CSMD2: variants seen among roughly 807,000 people sequenced by gnomAD.
The protein encoded by CSMD2 is CUB and sushi domain-containing protein 2.
A neutral mutation model predicts 398.5 loss-of-function variants in CSMD2; 130 were observed. The observed-to-expected ratio is 0.33, with a 90% CI of 0.28 to 0.38. The LOEUF is 0.38. Among genes scored for constraint, CSMD2 ranks in the 10% least tolerant of loss-of-function variants. CSMD2 has a pLI of 1.00. For synonymous variants in CSMD2, 1,828 were observed against 1,908.5 expected (o/e 0.96, Z 1.10); for missense variants, 3,829 against 4,764.9 (o/e 0.80, Z 5.78).
At chr1:33,796,333 C>A (rs150238846) in intron 10 of CSMD2, among the ~76,000 whole-genome samples, 3 of 152,344 alleles carry the variant, frequency 2.0e-5, no homozygotes, top group African/African-American at 7.2e-5. Context: ...GAGGGACCAG[C>A]TGGAGCTGTG....
chr1:34,113,166 G>A (rs1307633537), intron 1 of CSMD2: 3 of 152,264 alleles, frequency 2.0e-5, no homozygotes, highest in South Asian at 2.1e-4. Context: ...GGAAATGGTT[G>A]TGTCTCTGAG....
intron 12 of CSMD2, among the ~76,000 whole-genome samples, chr1:33,773,792 GGA>G (rs1359803403): frequency 6.6e-6 from 1 of 152,098 alleles, no homozygotes; most frequent in Non-Finnish European, 1.5e-5. Context: ...CCGAGATTTG[GGA>G]GAGAGGGGCC....
At chr1:34,052,791 G>A (rs150372406) in intron 2 of CSMD2, among the ~76,000 whole-genome samples, 18 of 152,240 alleles carry the variant, frequency 1.2e-4, no homozygotes, top group Middle Eastern at 6.8e-3. Context: ...TTGAATGAAT[G>A]AATGAGGAAT....
At chr1:34,001,210 G>C (rs1646890905) in intron 3 of CSMD2, among the ~76,000 whole-genome samples, 1 of 152,134 alleles carries the variant, frequency 6.6e-6, no homozygotes, top group African/African-American at 2.4e-5. Context: ...ATCACAGATA[G>C]GGAATATTGA....
intron 5 of CSMD2, among the ~76,000 whole-genome samples, chr1:33,856,915 G>T (rs1639137357): frequency 6.6e-6 from 1 of 151,608 alleles, no homozygotes; most frequent in Non-Finnish European, 1.5e-5. Flanking sequence ...TGTGAGTGAC[G>T]CTCACAAAGT....
chr1:33,630,228 T>C (rs886679219), intron 32 of CSMD2, among the ~76,000 whole-genome samples: 1 of 152,168 alleles, frequency 6.6e-6, no homozygotes, highest in African/African-American at 2.4e-5. Flanking sequence ...ACTCTAAATC[T>C]ATAGCTATAC....
At chr1:33,819,597 G>A (rs542088370) in intron 9 of CSMD2, 116 bp downstream of exon 9, 167 of 852,444 alleles carry the variant, frequency 2.0e-4, no homozygotes, top group Non-Finnish European at 2.8e-4. Flanking sequence ...AGGGAGTGAG[G>A]GGGGAGGGGA....
chr1:33,932,588 C>T (rs1644348807), intron 4 of CSMD2, among the ~76,000 whole-genome samples: 1 of 152,176 alleles, frequency 6.6e-6, no homozygotes, highest in Admixed American at 6.5e-5. Flanking sequence ...GAAGGGCCAG[C>T]CCTTGCTGCC....
Position 33,712,720 on chromosome 1 carries a change from G to T in CSMD2, c.3406+1867C>A, listed in dbSNP as rs1471910353. 9.2e-5 allele frequency among the ~76,000 whole-genome samples: 14 copies of T among 152,312 alleles called. No homozygotes were observed. The East Asian group carries it at 2.3e-3, about 25-fold the overall frequency. On this transcript the variant is annotated intron_variant, in intron 21 of 70. Transcript: ENST00000373381. The stretch of plus-strand genomic sequence containing the variant: ...TTCCATTCAAGGAGAATTTCCCCCA[G>T]AACCATTTAGCTGAGGATGCTTTCC...
At chr1:33,816,452 TGGAGG>T (rs1198782674) in intron 9 of CSMD2, among the ~76,000 whole-genome samples, 4 of 152,170 alleles carry the variant, frequency 2.6e-5, no homozygotes, top group Non-Finnish European at 5.9e-5. Flanking sequence ...AAAATGGTGA[TGGAGG>T]GGAGACTAGA....
intron 9 of CSMD2, among the ~76,000 whole-genome samples, chr1:33,812,647 G>A (rs12045793): frequency 0.19 from 17,518 of 92,306 alleles, 1,202 homozygotes; most frequent in East Asian, 0.43. Flanking sequence ...AAGTCTGGAT[G>A]AGTTAGAAAA....
intron 5 of CSMD2, among the ~76,000 whole-genome samples, chr1:33,916,954 A>G (rs536832259): frequency 4.6e-5 from 7 of 151,748 alleles, no homozygotes; most frequent in Non-Finnish European, 7.4e-5. Flanking sequence ...TCTCCTTCCC[A>G]TCTTCCTCCT....
At chr1:33,565,530 A>G (rs1419271224) in intron 53 of CSMD2, among the ~76,000 whole-genome samples, 1 of 152,198 alleles carries the variant, frequency 6.6e-6, no homozygotes, top group Non-Finnish European at 1.5e-5. Flanking sequence ...AGTAAAAACA[A>G]TCAGAGAGAA....
chr1:33,944,407 A>G (rs1181328582), intron 3 of CSMD2, among the ~76,000 whole-genome samples: 1 of 152,136 alleles, frequency 6.6e-6, no homozygotes, highest in Non-Finnish European at 1.5e-5. Flanking sequence ...GACCTACATC[A>G]AATTTCCTTT....
At chr1:34,017,272 T>C (rs971420934) in intron 3 of CSMD2, among the ~76,000 whole-genome samples, 6 of 152,236 alleles carry the variant, frequency 3.9e-5, no homozygotes, top group Non-Finnish European at 8.8e-5. Flanking sequence ...CATCTTTCCA[T>C]TGGACATTGT....
chr1:33,936,672 A>G (rs148516893), intron 3 of CSMD2, among the ~76,000 whole-genome samples: 2,029 of 152,292 alleles, frequency 0.013, 55 homozygotes, highest in African/African-American at 0.046. Context: ...GAGCACCATG[A>G]CCTGGCAATA....
intron 1 of CSMD2, among the ~76,000 whole-genome samples, chr1:34,149,278 C>T (rs904932462): frequency 1.3e-5 from 2 of 152,114 alleles, no homozygotes; most frequent in East Asian, 1.9e-4. Context: ...GCCCTGGGTC[C>T]GAGGTCCTGT....
intron 9 of CSMD2, among the ~76,000 whole-genome samples, chr1:33,814,492 T>C (rs1557937598): frequency 1.3e-5 from 2 of 152,246 alleles, no homozygotes; most frequent in South Asian, 2.1e-4. Context: ...CCCCTTACTC[T>C]TAGCCGATGA....
At chr1:33,517,914 A>G (rs541194099) in intron 70 of CSMD2, among the ~76,000 whole-genome samples, 1 of 152,198 alleles carries the variant, frequency 6.6e-6, no homozygotes, top group Admixed American at 6.5e-5. Flanking sequence ...AACTGTCCCC[A>G]CCATCTCTGT....
Sources: allele counts gnomAD v4.1 joint callset (sites outside exome capture counted in the v4.1 genomes callset), GRCh38; gene constraint gnomAD v4.1.1; transcripts MANE v1.5; gene names NCBI Gene and HGNC (gene_info 2026-07-23, HGNC 2026-07-21).